Variants in DCC observed in about 807,000 individuals in gnomAD.
DCC encodes the protein DCC netrin 1 receptor, also known as netrin receptor DCC.
DCC carries 58 observed loss-of-function variants against 172.5 expected under a neutral mutation model. That is an observed-to-expected ratio of 0.34 (90% CI 0.27 to 0.42). The LOEUF (loss-of-function observed/expected upper bound fraction) is 0.42. Ranked by LOEUF, DCC falls within the 10% of genes least tolerant of loss-of-function variation. DCC has a pLI of 1.00. For missense variants in DCC, 1,740 were observed against 1,791.0 expected, an observed-to-expected ratio of 0.97 and a Z score of 0.51; for synonymous variants, 709 against 644.5, an observed-to-expected ratio of 1.10 and a Z score of -1.52.
chr18:52,642,014 G>GTATATATATATATATATATA (rs1193018662), intron 1 of DCC, among the ~76,000 whole-genome samples: 1 of 34,504 alleles, frequency 2.9e-5, no homozygotes, highest in African/African-American at 8.6e-5. Context: ...GTGTGTGTGT[G>GTATATATATATATATATATA]TATATATATA....
At chr18:52,981,822 A>G (rs1173859211) in intron 5 of DCC, among the ~76,000 whole-genome samples, 1 of 152,212 alleles carries the variant, frequency 6.6e-6, no homozygotes, top group East Asian at 1.9e-4. Flanking sequence ...AAAGATAATT[A>G]TCAATACAAG....
intron 1 of DCC, among the ~76,000 whole-genome samples, chr18:52,403,349 C>A (rs1369052166): frequency 3.3e-5 from 5 of 151,982 alleles, no homozygotes; most frequent in African/African-American, 1.2e-4. Context: ...CCTTGATGCT[C>A]TCCACTTCTT....
chr18:52,405,340 T>G (rs1204443179), intron 1 of DCC, among the ~76,000 whole-genome samples: 1 of 143,002 alleles, frequency 7.0e-6, no homozygotes, highest in Admixed American at 7.0e-5. Context: ...TCCTGACTTT[T>G]TAATGATTGC....
chr18:52,440,992 T>C (rs2144494942), intron 1 of DCC, among the ~76,000 whole-genome samples: 1 of 152,346 alleles, frequency 6.6e-6, no homozygotes, highest in Non-Finnish European at 1.5e-5. Flanking sequence ...CTGGTACAGC[T>C]ATCTGGGGAG....
chr18:52,941,129 C>A (rs776672708), intron 5 of DCC: 7 of 152,072 alleles, frequency 4.6e-5, no homozygotes, highest in Non-Finnish European at 1.0e-4. Flanking sequence ...TCAACAAATT[C>A]AAGAATACTG....
chr18:52,515,408 C>T (rs1164720882), intron 1 of DCC, among the ~76,000 whole-genome samples: 1 of 151,452 alleles, frequency 6.6e-6, no homozygotes, highest in Non-Finnish European at 1.5e-5. Context: ...GAGATCGAGA[C>T]CATCCTGGCT....
chr18:53,145,678 C>T (rs2043901964), intron 7 of DCC, among the ~76,000 whole-genome samples: 1 of 152,084 alleles, frequency 6.6e-6, no homozygotes, highest in Admixed American at 6.5e-5. Flanking sequence ...ACTTTTAGAA[C>T]TGGATAGTGA....
chr18:52,405,251 ATGG>A, intron 1 of DCC, among the ~76,000 whole-genome samples: 1 of 150,516 alleles, frequency 6.6e-6, no homozygotes, highest in East Asian at 2.0e-4. Flanking sequence ...GTCTTCCACA[ATGG>A]TTAAACTAGT....
intron 7 of DCC, among the ~76,000 whole-genome samples, chr18:53,114,896 T>C (rs892651187): frequency 6.6e-6 from 1 of 151,610 alleles, no homozygotes; most frequent in African/African-American, 2.4e-5. Flanking sequence ...ATGAAAGAAA[T>C]GTGTCCAAGT....
intron 9 of DCC, among the ~76,000 whole-genome samples, chr18:53,198,481 C>G (rs1388382605): frequency 6.6e-6 from 1 of 152,002 alleles, no homozygotes; most frequent in African/African-American, 2.4e-5. Flanking sequence ...CAGACACACA[C>G]ATGCACACCC....
intron 12 of DCC, among the ~76,000 whole-genome samples, chr18:53,291,103 C>T (rs1598989122): frequency 6.6e-6 from 1 of 151,566 alleles, no homozygotes; most frequent in African/African-American, 2.4e-5. Context: ...AGGAGGCGGA[C>T]GTTGCAGTGA....
intron 2 of DCC, among the ~76,000 whole-genome samples, chr18:52,867,992 A>C (rs894497883): frequency 2.6e-5 from 4 of 151,524 alleles, no homozygotes; most frequent in African/African-American, 9.7e-5. Flanking sequence ...AATACAAATA[A>C]GGCAATTGTT....
At chr18:52,682,090 T>C (rs376712829) in intron 1 of DCC, among the ~76,000 whole-genome samples, 20 of 152,218 alleles carry the variant, frequency 1.3e-4, no homozygotes, top group East Asian at 7.7e-4. Context: ...ACTACATAAA[T>C]AGAGAGGGCA....
chr18:52,608,878 C>T (rs1389152985), intron 1 of DCC, among the ~76,000 whole-genome samples: 6 of 152,116 alleles, frequency 3.9e-5, no homozygotes, highest in Non-Finnish European at 7.4e-5. Flanking sequence ...GAGATATGTG[C>T]ACAACTCACA....
intron 8 of DCC, among the ~76,000 whole-genome samples, chr18:53,174,388 C>G (rs1394695114): frequency 1.3e-5 from 2 of 151,578 alleles, no homozygotes; most frequent in Non-Finnish European, 2.9e-5. Context: ...AATCCAGGAG[C>G]TGGTTTTTTG....
chr18:53,470,130 C>G (rs1333014189), intron 25 of DCC, among the ~76,000 whole-genome samples: 3 of 152,066 alleles, frequency 2.0e-5, no homozygotes, highest in South Asian at 2.1e-4. Context: ...TCTTTTCTCC[C>G]TACACCTGCT....
intron 1 of DCC, among the ~76,000 whole-genome samples, chr18:52,490,789 C>G (rs1243849167): frequency 5.9e-5 from 9 of 151,986 alleles, no homozygotes; most frequent in African/African-American, 2.2e-4. Context: ...CAGCAAAGAC[C>G]CCACCTCTTG....
chr18:52,417,557 G>A (rs62083534), intron 1 of DCC, among the ~76,000 whole-genome samples: 29,605 of 152,012 alleles, frequency 0.19, 3,528 homozygotes, highest in East Asian at 0.56. Flanking sequence ...ATTTCTTGGA[G>A]GCCTTGTTTG....
rs2039060294 is a variant in DCC, at chr18:52,856,640, A to AAAG, written c.413-49402_413-49401insGAA. On this transcript the variant is annotated intron_variant, in intron 2 of 28. Transcript: ENST00000442544. ...GACTCCATCTCAAAAAAAAAAAAAA[A>AAAG]AAAGAAAACAAAATGGCAATATATA... 2.0e-5 allele frequency among the ~76,000 whole-genome samples: 3 copies of AAAG among 149,694 alleles called. No homozygotes were observed. The South Asian group carries it at 6.3e-4, about 31-fold the overall frequency.
Sources: gnomAD v4.1 joint callset for allele counts (sites outside exome capture counted in the v4.1 genomes callset) on GRCh38, gnomAD v4.1.1 for gene constraint, MANE v1.5 for transcripts, NCBI Gene and HGNC (gene_info 2026-07-23, HGNC 2026-07-21) for gene names.